The following CORIN variants were observed in gnomAD, a reference collection of about 807,000 sequenced individuals.
CORIN encodes atrial natriuretic peptide-converting enzyme.
CORIN carries 117 observed loss-of-function variants against 125.3 expected under a neutral mutation model. That is an observed-to-expected ratio of 0.93 (90% CI 0.80 to 1.09). The LOEUF (loss-of-function observed/expected upper bound fraction) is 1.09. CORIN is among the 50% of genes least tolerant of loss of function. The pLI is 0.00. For synonymous variants in CORIN, 450 were observed against 466.4 expected, an observed-to-expected ratio of 0.96 and a Z score of 0.45; for missense variants, 1,253 against 1,306.7, an observed-to-expected ratio of 0.96 and a Z score of 0.63.
chr4:47,783,557 ATGTC>A (rs1312503622), intron 3 of CORIN, among the ~76,000 whole-genome samples: 2 of 152,090 alleles, frequency 1.3e-5, no homozygotes, highest in African/African-American at 4.8e-5. Flanking sequence ...AATAGAATGA[ATGTC>A]TGGCCATTGT....
chr4:47,693,085 T>G lies in CORIN; in HGVS notation c.800-2A>C, dbSNP rs1553911406. On this transcript the variant is annotated splice_acceptor_variant, in intron 5 of 21. Coordinates refer to ENST00000273857, the MANE Select transcript of CORIN (RefSeq NM_006587.4). LOFTEE classifies it high-confidence loss of function. ...AGTTCTCACCCCTTCCACAGAGCAC[T>G]AAAAAAAAAGGGCAGGAAATAATGT... 6.6e-7 allele frequency: 1 copy of G among 1,511,830 alleles called. No individual in the cohort carries two copies. The highest frequency in any genetic ancestry group is 1.4e-5 in the African/African-American group (1 of 71,148). 93.7% of individuals were successfully genotyped at this position (1,511,830 alleles called of 1,614,324 possible). A position where few individuals can be genotyped will look rare whatever the true frequency, so the allele number is the denominator to read the frequency against.
At chr4:47,626,141 T>G (rs746897696) in intron 17 of CORIN, among the ~76,000 whole-genome samples, 18 of 152,298 alleles carry the variant, frequency 1.2e-4, no homozygotes, top group Admixed American at 9.8e-4. Context: ...ATATTAAAAG[T>G]AATCCAAGAT....
chr4:47,818,597 A>ACCTGTAATCCC (rs1430523602), intron 1 of CORIN, among the ~76,000 whole-genome samples: 2 of 152,206 alleles, frequency 1.3e-5, no homozygotes. Context: ...CTGGTCAGAC[A>ACCTGTAATCCC]AGGTGGCTCA....
chr4:47,789,789 G>A (rs1324135301), intron 2 of CORIN, among the ~76,000 whole-genome samples: 2 of 152,178 alleles, frequency 1.3e-5, no homozygotes, highest in African/African-American at 4.8e-5. Context: ...GGGAGGCTGA[G>A]GCAGGCGCAT....
intron 7 of CORIN, chr4:47,681,326 G>A (rs13135995): frequency 0.46 from 69,517 of 152,174 alleles, 17,864 homozygotes; most frequent in Non-Finnish European, 0.59. Context: ...AAGAGCACAG[G>A]GAGCCAGGGC....
chr4:47,831,439 G>A (rs17463555), intron 1 of CORIN: 4,207 of 152,400 alleles, frequency 0.028, 97 homozygotes, highest in Admixed American at 0.043. Flanking sequence ...AAGAGAAAGG[G>A]TGGAGACTGA....
At chr4:47,730,189 T>G (rs2109812741) in intron 5 of CORIN, among the ~76,000 whole-genome samples, 1 of 152,156 alleles carries the variant, frequency 6.6e-6, no homozygotes, top group South Asian at 2.1e-4. Flanking sequence ...TAAAAGAGCT[T>G]GCAGGCCGGG....
intron 12 of CORIN, 152 bp from the exon 13 acceptor site, chr4:47,653,812 C>T: frequency 1.6e-6 from 1 of 640,738 alleles, no homozygotes; most frequent in East Asian, 2.8e-5. Flanking sequence ...TGGCATTCTT[C>T]TGCCTGCCAA....
intron 5 of CORIN, among the ~76,000 whole-genome samples, chr4:47,732,626 C>T (rs909606312): frequency 3.3e-5 from 5 of 150,552 alleles, no homozygotes; most frequent in African/African-American, 9.8e-5. Flanking sequence ...TGCAGTGGCA[C>T]GACCTCAGCT....
intron 4 of CORIN, among the ~76,000 whole-genome samples, chr4:47,751,079 G>A (rs1728878528): frequency 6.6e-6 from 1 of 152,170 alleles, no homozygotes; most frequent in African/African-American, 2.4e-5. Context: ...TCTTCCTCAG[G>A]GATCCAATTT....
intron 15 of CORIN, chr4:47,642,736 G>A: frequency 2.3e-6 from 2 of 865,150 alleles, no homozygotes; most frequent in Non-Finnish European, 3.4e-6. Flanking sequence ...GAGCTAGACA[G>A]TTAGAAGTCT....
intron 5 of CORIN, among the ~76,000 whole-genome samples, chr4:47,718,076 A>T (rs1040472445): frequency 1.3e-5 from 2 of 152,202 alleles, no homozygotes; most frequent in African/African-American, 2.4e-5. Flanking sequence ...GCCAGGCAGA[A>T]CACAAGCCAT....
intron 3 of CORIN, among the ~76,000 whole-genome samples, chr4:47,782,595 T>C (rs147707563): frequency 3.3e-5 from 5 of 152,268 alleles, no homozygotes; most frequent in African/African-American, 1.2e-4. Context: ...TGCACGTGAA[T>C]ATTCACAGAA....
chr4:47,780,057 T>C (rs1730471030), intron 3 of CORIN, among the ~76,000 whole-genome samples: 1 of 152,150 alleles, frequency 6.6e-6, no homozygotes, highest in South Asian at 2.1e-4. Flanking sequence ...AAATAAATTA[T>C]GGTATAATGA....
intron 12 of CORIN, among the ~76,000 whole-genome samples, chr4:47,655,019 A>G (rs1457882798): frequency 6.6e-6 from 1 of 151,926 alleles, no homozygotes; most frequent in Non-Finnish European, 1.5e-5. Context: ...TCCTGTCCTA[A>G]GGCCCCCATT....
intron 9 of CORIN, among the ~76,000 whole-genome samples, chr4:47,675,949 G>T (rs1246385149): frequency 6.6e-6 from 1 of 152,164 alleles, no homozygotes; most frequent in African/African-American, 2.4e-5. Flanking sequence ...CCAAGTCATG[G>T]TAAGAGGAAA....
chr4:47,691,228 A>T (rs1002126280), intron 6 of CORIN, among the ~76,000 whole-genome samples: 2 of 152,240 alleles, frequency 1.3e-5, no homozygotes, highest in African/African-American at 4.8e-5. Flanking sequence ...AGGCATATGC[A>T]GAATTTGAAC....
intron 10 of CORIN, among the ~76,000 whole-genome samples, chr4:47,665,721 A>C (rs1724450057): frequency 6.6e-6 from 1 of 152,182 alleles, no homozygotes; most frequent in African/African-American, 2.4e-5. Flanking sequence ...ATTGTTGATT[A>C]ATGTGTTTAA....
At chr4:47,694,012 T>C (rs369139266) in intron 5 of CORIN, among the ~76,000 whole-genome samples, 3 of 152,234 alleles carry the variant, frequency 2.0e-5, no homozygotes, top group East Asian at 3.8e-4. Flanking sequence ...TTATGTTTTA[T>C]GTTTAATGAT....
Sources: allele counts gnomAD v4.1 joint callset (sites outside exome capture counted in the v4.1 genomes callset), GRCh38; gene constraint gnomAD v4.1.1; transcripts MANE v1.5; gene names NCBI Gene and HGNC (gene_info 2026-07-23, HGNC 2026-07-21).